Variants in STX8 observed in about 807,000 individuals in gnomAD.
The protein encoded by STX8 is syntaxin 8, also known as syntaxin-8.
A neutral mutation model predicts 37.5 loss-of-function variants in STX8; 23 were observed. The ratio of observed to expected loss-of-function variants is 0.61; its 90% CI spans 0.44 to 0.87. The LOEUF (loss-of-function observed/expected upper bound fraction) is 0.87, where lower values mean the gene tolerates loss of function less well. STX8 is among the 40% of genes least tolerant of loss of function. STX8 has a pLI of 0.00. For synonymous variants in STX8, 115 were observed against 99.1 expected (o/e 1.16, Z -0.95); for missense variants, 313 against 284.7 (o/e 1.10, Z -0.71).
intron 7 of STX8, among the ~76,000 whole-genome samples, chr17:9,341,111 GA>G (rs1358586193): frequency 1.3e-5 from 2 of 151,608 alleles, no homozygotes; most frequent in African/African-American, 4.8e-5. Flanking sequence ...GTATCATGTG[GA>G]AAGTCGAAAT....
chr17:9,530,644 A>T (rs1905780412), intron 4 of STX8, among the ~76,000 whole-genome samples: 1 of 152,184 alleles, frequency 6.6e-6, no homozygotes, highest in Non-Finnish European at 1.5e-5. Flanking sequence ...TCTTTTGCCT[A>T]TGTTTTTCTA....
chr17:9,295,735 C>G (rs1193375215), intron 7 of STX8, among the ~76,000 whole-genome samples: 4 of 151,658 alleles, frequency 2.6e-5, no homozygotes, highest in African/African-American at 9.7e-5. Context: ...GAATGAGATT[C>G]CGTCCCCCCT....
chr17:9,338,374 T>C (rs1392333766), intron 7 of STX8, among the ~76,000 whole-genome samples: 1 of 152,122 alleles, frequency 6.6e-6, no homozygotes, highest in African/African-American at 2.4e-5. Context: ...GTTTTTAAAC[T>C]GAGGAGTGAC....
At chr17:9,472,086 T>C (rs1419025416) in intron 6 of STX8, among the ~76,000 whole-genome samples, 4 of 140,724 alleles carry the variant, frequency 2.8e-5, no homozygotes, top group East Asian at 2.0e-4. Context: ...TTTTTTTTTT[T>C]CAAAAGAAAA....
chr17:9,413,896 A>G (rs1347545165), intron 6 of STX8, among the ~76,000 whole-genome samples: 2 of 148,608 alleles, frequency 1.3e-5, no homozygotes, highest in Non-Finnish European at 3.0e-5. Flanking sequence ...CCATCGATCC[A>G]TCCATCCATC....
At chr17:9,423,971 T>G (rs1205969485) in intron 6 of STX8, among the ~76,000 whole-genome samples, 1 of 152,178 alleles carries the variant, frequency 6.6e-6, no homozygotes, top group Non-Finnish European at 1.5e-5. Context: ...TGACTTAGGC[T>G]TCGGCACACA....
chr17:9,479,398 G>C (rs1906224591), intron 6 of STX8, among the ~76,000 whole-genome samples: 1 of 151,886 alleles, frequency 6.6e-6, no homozygotes. Context: ...GCTGGGCATG[G>C]TGGCACATGC....
intron 4 of STX8, among the ~76,000 whole-genome samples, chr17:9,533,064 A>C (rs1905880746): frequency 6.6e-6 from 1 of 152,252 alleles, no homozygotes; most frequent in South Asian, 2.1e-4. Context: ...AAAAGTCAGA[A>C]GCTACTACTT....
intron 7 of STX8, among the ~76,000 whole-genome samples, chr17:9,307,425 A>G (rs962127462): frequency 7.9e-5 from 12 of 152,088 alleles, no homozygotes; most frequent in Admixed American, 4.6e-4. Context: ...CAGCCAAAGG[A>G]GGCACTGGCT....
intron 3 of STX8, among the ~76,000 whole-genome samples, chr17:9,547,141 G>T (rs112709542): frequency 6.6e-6 from 1 of 150,640 alleles, no homozygotes; most frequent in Non-Finnish European, 1.5e-5. Context: ...CCAGCTACTC[G>T]GGAGGCTGAG....
intron 4 of STX8, among the ~76,000 whole-genome samples, chr17:9,539,663 A>ACCC (rs112638421): frequency 6.7e-6 from 1 of 149,740 alleles, no homozygotes; most frequent in African/African-American, 2.5e-5. Context: ...AACCCAACTG[A>ACCC]CCCCCCCCAC....
chr17:9,350,413 A>G (rs1910667527), intron 7 of STX8, among the ~76,000 whole-genome samples: 1 of 152,248 alleles, frequency 6.6e-6, no homozygotes, highest in Non-Finnish European at 1.5e-5. Context: ...TACTGTAATG[A>G]GAGCAGTTGG....
intron 6 of STX8, among the ~76,000 whole-genome samples, chr17:9,479,953 A>G (rs1189982901): frequency 6.6e-6 from 1 of 152,122 alleles, no homozygotes; most frequent in African/African-American, 2.4e-5. Flanking sequence ...CCCTTTGCCT[A>G]TGCCCTTCCC....
Position 9,557,323 on chromosome 17 carries a change from G to T in STX8, c.212+111C>A, listed in dbSNP as rs1434337179. Reference sequence around the variant, plus strand: ...TTACAGGCAATATTTTGGAAACCAGGTCTTCCTCAAGCTGTGGGAAAATCT... The same window carrying T: ...TTACAGGCAATATTTTGGAAACCAGTTCTTCCTCAAGCTGTGGGAAAATCT... On this transcript the variant is annotated intron_variant, in intron 3 of 7. Transcript: ENST00000306357. 3 of 794,980 alleles carry T rather than the reference G, an allele frequency of 3.8e-6. No homozygotes were observed. The East Asian group carries it at 8.1e-5, about 22-fold the overall frequency. 49.2% of individuals were successfully genotyped at this position (794,980 alleles called of 1,614,324 possible).
chr17:9,275,869 A>G (rs1344613512), intron 7 of STX8, among the ~76,000 whole-genome samples: 1 of 151,754 alleles, frequency 6.6e-6, no homozygotes, highest in Non-Finnish European at 1.5e-5. Flanking sequence ...CTCTGCCTCA[A>G]AAAAAGAAAA....
At chr17:9,272,494 A>G (rs77492720) in intron 7 of STX8, among the ~76,000 whole-genome samples, 351 of 152,326 alleles carry the variant, frequency 2.3e-3, no homozygotes, top group Non-Finnish European at 3.7e-3. Context: ...CCTGAAGAAC[A>G]AAGATTCCAG....
At chr17:9,535,620 G>C (rs1207482552) in intron 4 of STX8, among the ~76,000 whole-genome samples, 3 of 151,672 alleles carry the variant, frequency 2.0e-5, no homozygotes, top group Non-Finnish European at 4.4e-5. Flanking sequence ...TTTTAGTAGA[G>C]ACGGGGTTTC....
At chr17:9,279,404 T>C (rs771197259) in intron 7 of STX8, among the ~76,000 whole-genome samples, 13 of 152,162 alleles carry the variant, frequency 8.5e-5, no homozygotes, top group Non-Finnish European at 1.8e-4. Flanking sequence ...TTATTATTAA[T>C]GAACCTGACG....
At chr17:9,341,492 A>C (rs1454711643) in intron 7 of STX8, among the ~76,000 whole-genome samples, 1 of 152,142 alleles carries the variant, frequency 6.6e-6, no homozygotes, top group African/African-American at 2.4e-5. Flanking sequence ...GCTAGAGTGC[A>C]ATGGCGTGAT....
Sources: allele counts gnomAD v4.1 joint callset (sites outside exome capture counted in the v4.1 genomes callset), GRCh38; gene constraint gnomAD v4.1.1; transcripts MANE v1.5; gene names NCBI Gene and HGNC (gene_info 2026-07-23, HGNC 2026-07-21).